ADK: variants seen among roughly 807,000 people sequenced by gnomAD.
ADK encodes the protein N6,N6-dimethyladenosine kinase.
A neutral mutation model predicts 44.7 loss-of-function variants in ADK; 24 were observed. The observed-to-expected ratio is 0.54, with a 90% confidence interval of 0.39 to 0.76. The LOEUF is 0.76. Ranked by LOEUF, ADK falls within the 30% of genes least tolerant of loss-of-function variation. The pLI is 0.00. For synonymous variants in ADK, 128 were observed against 142.6 expected, an observed-to-expected ratio of 0.90 and a Z score of 0.73; for missense variants, 321 against 425.1, an observed-to-expected ratio of 0.76 and a Z score of 2.15.
chr10:74,354,195 T>A (rs1306923251), intron 4 of ADK, among the ~76,000 whole-genome samples: 1 of 152,230 alleles, frequency 6.6e-6, no homozygotes, highest in Non-Finnish European at 1.5e-5. Flanking sequence ...GTCTTGAGCA[T>A]GTGGAATTAG....
At chr10:74,155,330 G>A (rs983411288) in intron 1 of ADK, among the ~76,000 whole-genome samples, 2 of 151,628 alleles carry the variant, frequency 1.3e-5, no homozygotes, top group East Asian at 3.9e-4. Flanking sequence ...TAAAAAAAAC[G>A]AAACAAAAAC....
chr10:74,655,330 A>T, intron 9 of ADK: 1 of 422,874 alleles, frequency 2.4e-6, no homozygotes, highest in Admixed American at 3.5e-5. Flanking sequence ...GGAATAAGAA[A>T]GTGAATGTGT....
At chr10:74,695,685 G>C (rs1462260731) in intron 10 of ADK, among the ~76,000 whole-genome samples, 1 of 149,772 alleles carries the variant, frequency 6.7e-6, no homozygotes, top group South Asian at 2.1e-4. Flanking sequence ...GCCCAGGATA[G>C]AATGAGTACA....
chr10:74,605,016 G>C (rs927620035), intron 9 of ADK, among the ~76,000 whole-genome samples: 1 of 152,140 alleles, frequency 6.6e-6, no homozygotes, highest in Non-Finnish European at 1.5e-5. Context: ...TTGTGAATGA[G>C]AGTTCACTCA....
chr10:74,373,176 A>G (rs1842722127), intron 4 of ADK, among the ~76,000 whole-genome samples: 1 of 152,162 alleles, frequency 6.6e-6, no homozygotes, highest in Non-Finnish European at 1.5e-5. Flanking sequence ...CTCAAAATGA[A>G]TTAAAGACTT....
intron 6 of ADK, among the ~76,000 whole-genome samples, chr10:74,473,193 GACACACACACAC>G (rs74890577): frequency 6.7e-6 from 1 of 149,558 alleles, no homozygotes; most frequent in South Asian, 2.1e-4. Flanking sequence ...TATACACACA[GACACACACACAC>G]ACACACACAC....
chr10:74,509,092 A>G (rs1398035920), intron 6 of ADK, among the ~76,000 whole-genome samples: 1 of 152,196 alleles, frequency 6.6e-6, no homozygotes, highest in African/African-American at 2.4e-5. Context: ...AGCCTCCTAA[A>G]TAGCTGGAAC....
intron 6 of ADK, among the ~76,000 whole-genome samples, chr10:74,512,438 G>A (rs911604682): frequency 8.3e-6 from 1 of 120,670 alleles, no homozygotes; most frequent in Non-Finnish European, 1.8e-5. Context: ...AAGACTTTTT[G>A]TTATTAAATC....
intron 3 of ADK, among the ~76,000 whole-genome samples, chr10:74,274,964 T>C (rs1482535133): frequency 6.6e-6 from 1 of 151,320 alleles, no homozygotes; most frequent in Non-Finnish European, 1.5e-5. Context: ...CCCCTTTTTT[T>C]TATAGGGAAG....
At chr10:74,465,838 C>T (rs1442455047) in intron 6 of ADK, among the ~76,000 whole-genome samples, 1 of 152,060 alleles carries the variant, frequency 6.6e-6, no homozygotes, top group African/African-American at 2.4e-5. Flanking sequence ...TTCCATAGTA[C>T]GTTCTCCATA....
chr10:74,441,263 G>C (rs1417063271), intron 6 of ADK, among the ~76,000 whole-genome samples: 1 of 152,152 alleles, frequency 6.6e-6, no homozygotes, highest in Admixed American at 6.5e-5. Flanking sequence ...TAATCAAGAA[G>C]ACATAATACC....
intron 8 of ADK, 107 bp downstream of exon 8, chr10:74,589,424 T>G (rs1440901133): frequency 5.1e-6 from 6 of 1,165,894 alleles, no homozygotes; most frequent in African/African-American, 4.6e-5. Context: ...TCTCAGAGCC[T>G]CGCAGCAGTT....
At chr10:74,497,857 C>G (rs1441557385) in intron 6 of ADK, among the ~76,000 whole-genome samples, 1 of 151,844 alleles carries the variant, frequency 6.6e-6, no homozygotes, top group Non-Finnish European at 1.5e-5. Context: ...AGTTCTAGTG[C>G]TACCTACAAG....
intron 3 of ADK, among the ~76,000 whole-genome samples, chr10:74,293,138 C>T (rs1206463322): frequency 7.2e-6 from 1 of 138,674 alleles, no homozygotes; most frequent in Non-Finnish European, 1.5e-5. Flanking sequence ...TTCACTCCAG[C>T]CCCCGTGACT....
chr10:74,389,164 T>A (rs1412858103), intron 4 of ADK, among the ~76,000 whole-genome samples: 1 of 152,168 alleles, frequency 6.6e-6, no homozygotes, highest in Non-Finnish European at 1.5e-5. Context: ...GAAGTTAAAG[T>A]TTTTAAGGTA....
chr10:74,505,648 G>C lies in ADK; in HGVS notation c.556-19608G>C, dbSNP rs191621998. Among the ~76,000 whole-genome samples the C allele has an allele frequency of 2.2e-3, 328 of 151,630 alleles. 1 individual carries two copies. The highest frequency in any genetic ancestry group is 7.3e-3 in the African/African-American group (303 of 41,314). ...CTCTAGCATCAATTTATTTTTTTGG[G>C]CTTGATGGCTTTCATGGCTACTTTT... On this transcript the variant is annotated intron_variant, in intron 6 of 10. Coordinates refer to ENST00000539909, the MANE Select transcript of ADK (RefSeq NM_006721.4).
At chr10:74,218,886 A>T (rs11510969) in intron 2 of ADK, among the ~76,000 whole-genome samples, 76,409 of 151,900 alleles carry the variant, frequency 0.5, 20,308 homozygotes, top group Non-Finnish European at 0.59. Context: ...CAAGGAAAGG[A>T]ACAACCGGTA....
At position 74,708,435 on chromosome 10, in the gene ADK, A is replaced by G. The variant is rs747579775; in HGVS notation, c.1079A>G (p.Asp360Gly). ...GGCTGCACCTTTCCTGAGAAGCCAG[A>G]CTTCCACTGATGGAAGAGCTGAAAA... The part of the protein sequence containing the change: ...RTGCTFPEKP[D>G]FH Residue 360 changes from aspartate (D) to glycine (G), a missense_variant, in exon 11 of 11, where the codon GAC becomes GGC. Transcript: ENST00000539909. The G allele has an allele frequency of 1.2e-6, 2 of 1,611,630 alleles. No individual in the cohort carries two copies. The highest frequency in any genetic ancestry group is 1.3e-5 in the African/African-American group (1 of 74,988).
At chr10:74,442,864 A>C (rs1845472723) in intron 6 of ADK, among the ~76,000 whole-genome samples, 1 of 152,194 alleles carries the variant, frequency 6.6e-6, no homozygotes, top group African/African-American at 2.4e-5. Context: ...ATTTGCAACA[A>C]CATAGGTGAA....
Sources: gnomAD v4.1 joint callset for allele counts (sites outside exome capture counted in the v4.1 genomes callset) on GRCh38, gnomAD v4.1.1 for gene constraint, MANE v1.5 for transcripts, NCBI Gene and HGNC (gene_info 2026-07-23, HGNC 2026-07-21) for gene names.